The following CCBE1 variants were observed in gnomAD, a reference collection of about 807,000 sequenced individuals.
The protein encoded by CCBE1 is collagen and calcium binding EGF domains 1.
In CCBE1, 37 loss-of-function variants were observed where a neutral mutation model predicts 50.0. The ratio of observed to expected loss-of-function variants is 0.74; its 90% CI spans 0.57 to 0.97. CCBE1 has a LOEUF of 0.97. Ranked by LOEUF, CCBE1 falls within the 50% of genes least tolerant of loss-of-function variation. CCBE1 has a pLI of 0.00. For missense variants in CCBE1, 538 were observed against 523.8 expected, an observed-to-expected ratio of 1.03 and a Z score of -0.26; for synonymous variants, 234 against 203.7, an observed-to-expected ratio of 1.15 and a Z score of -1.27.
chr18:59,675,539 C>T (rs1327824744), intron 2 of CCBE1, among the ~76,000 whole-genome samples: 1 of 152,200 alleles, frequency 6.6e-6, no homozygotes, highest in Non-Finnish European at 1.5e-5. Flanking sequence ...GACTTTTCTA[C>T]AAAGCCAAGG....
chr18:59,569,634 T>TA lies in CCBE1; in HGVS notation c.213-89397_213-89396insT, dbSNP rs1477314564. Among the ~76,000 whole-genome samples the TA allele has an allele frequency of 8.6e-3, 1,099 of 128,528 alleles. 16 individuals carry two copies. Among genetic ancestry groups the TA allele is most frequent in the African/African-American group, 0.03 (1,017 of 34,246 alleles). 84.3% of individuals were successfully genotyped at this position (128,528 alleles called of 152,430 possible). A position where few individuals can be genotyped will look rare whatever the true frequency, so the allele number is the denominator to read the frequency against. ...TAGCAATTCATCTCCCCCCGCCCTTTTAAAAAAAAAAAAAGAGACAGGGTC... is the reference window on the plus strand; with the variant it reads ...TAGCAATTCATCTCCCCCCGCCCTTTATAAAAAAAAAAAAAGAGACAGGGTC... On this transcript the variant is annotated intron_variant, in intron 2 of 10. Coordinates refer to ENST00000439986, the MANE Select transcript of CCBE1 (RefSeq NM_133459.4).
At chr18:59,573,312 T>TATATATATA (rs1392749747) in intron 2 of CCBE1, among the ~76,000 whole-genome samples, 25 of 141,512 alleles carry the variant, frequency 1.8e-4, no homozygotes, top group Non-Finnish European at 2.3e-4. Context: ...TGTATGTATG[T>TATATATATA]GATAGGCCTC....
intron 9 of CCBE1, among the ~76,000 whole-genome samples, chr18:59,438,707 T>G (rs1910271449): frequency 6.6e-6 from 1 of 152,242 alleles, no homozygotes; most frequent in African/African-American, 2.4e-5. Flanking sequence ...GGTTTTGGAA[T>G]TGAAGACAAT....
At position 59,432,702 on chromosome 18, in the gene CCBE1, G is replaced by GT. The variant is rs1909985291; in HGVS notation, c.*3205dup. 6.6e-6 allele frequency: 1 copy of GT among 152,110 alleles called. No homozygotes were observed. Among genetic ancestry groups the GT allele is most frequent in the Admixed American group, 6.5e-5 (1 of 15,282 alleles). 9.4% of individuals were successfully genotyped at this position (152,110 alleles called of 1,614,324 possible). ...CATTATAAAATACAGGTTACCATAA[G>GT]TTTTGCTGGAGAATATTATCTGGAA... On this transcript the variant is annotated 3_prime_UTR_variant, in exon 11 of 11. Transcript: ENST00000439986.
chr18:59,559,476 G>A (rs1205476437), intron 2 of CCBE1, among the ~76,000 whole-genome samples: 3 of 152,202 alleles, frequency 2.0e-5, no homozygotes, highest in East Asian at 1.9e-4. Flanking sequence ...AAGTAATGTC[G>A]GCAGTCATGT....
intron 2 of CCBE1, among the ~76,000 whole-genome samples, chr18:59,598,118 A>G (rs923688417): frequency 1.3e-5 from 2 of 152,196 alleles, no homozygotes; most frequent in Non-Finnish European, 2.9e-5. Context: ...CAGTGACAGC[A>G]CTGGTTAGGG....
intron 2 of CCBE1, among the ~76,000 whole-genome samples, chr18:59,516,727 G>A (rs1914390803): frequency 6.6e-6 from 1 of 152,152 alleles, no homozygotes; most frequent in South Asian, 2.1e-4. Context: ...CCTAGTTCCT[G>A]AGACTTCAGA....
At chr18:59,636,421 G>A (rs761424826) in intron 2 of CCBE1, among the ~76,000 whole-genome samples, 1 of 152,202 alleles carries the variant, frequency 6.6e-6, no homozygotes, top group Non-Finnish European at 1.5e-5. Context: ...TTTTGAAGTT[G>A]TCCCAGATCT....
chr18:59,564,098 G>A (rs1343239639), intron 2 of CCBE1: 1 of 152,216 alleles, frequency 6.6e-6, no homozygotes, highest in African/African-American at 2.4e-5. Flanking sequence ...CTGACTCTAG[G>A]AGCCACATAA....
rs539235335 is a variant in CCBE1 at position 59,524,891 on chromosome 18, C to T, written c.213-44653G>A. ...GTTAGTTTGCTGAGGATAATGGCTTCCAGCTCCATCCATGTCCCTGCAAAC... is the reference window on the plus strand; with the variant it reads ...GTTAGTTTGCTGAGGATAATGGCTTTCAGCTCCATCCATGTCCCTGCAAAC... On this transcript the variant is annotated intron_variant, in intron 2 of 10. Transcript: ENST00000439986. Among the ~76,000 whole-genome samples, 8 of 152,286 alleles carry T rather than the reference C, an allele frequency of 5.3e-5. No homozygotes were observed. In the East Asian group the frequency reaches 1.5e-3, roughly 29 times the overall value.
At chr18:59,546,760 A>G (rs976517920) in intron 2 of CCBE1, among the ~76,000 whole-genome samples, 1 of 152,126 alleles carries the variant, frequency 6.6e-6, no homozygotes, top group Non-Finnish European at 1.5e-5. Flanking sequence ...TATATGGCAA[A>G]AGTGACATAG....
intron 2 of CCBE1, among the ~76,000 whole-genome samples, chr18:59,633,481 C>T (rs1382101032): frequency 6.6e-6 from 1 of 152,246 alleles, no homozygotes; most frequent in African/African-American, 2.4e-5. Flanking sequence ...AGTTCTTCCT[C>T]TTGCTATTGC....
chr18:59,456,248 T>C (rs115229145), intron 5 of CCBE1, among the ~76,000 whole-genome samples: 167 of 152,360 alleles, frequency 1.1e-3, no homozygotes, highest in African/African-American at 3.8e-3. Flanking sequence ...TCTCACGTAA[T>C]GGATGCTCGA....
intron 2 of CCBE1, among the ~76,000 whole-genome samples, chr18:59,674,705 ACAGGATC>A (rs2054476318): frequency 6.6e-6 from 1 of 152,222 alleles, no homozygotes. Flanking sequence ...TGTTTGTTTG[ACAGGATC>A]CAGGAAAATT....
chr18:59,616,186 G>A (rs1351482736), intron 2 of CCBE1, among the ~76,000 whole-genome samples: 1 of 152,162 alleles, frequency 6.6e-6, no homozygotes, highest in East Asian at 1.9e-4. Flanking sequence ...AACCAGTGAG[G>A]GCTGCTGTGG....
At chr18:59,542,724 G>C (rs2144387136) in intron 2 of CCBE1, among the ~76,000 whole-genome samples, 1 of 152,274 alleles carries the variant, frequency 6.6e-6, no homozygotes, top group Middle Eastern at 3.4e-3. Flanking sequence ...AGGGTGCTTT[G>C]GAATGCCTCT....
At chr18:59,620,534 C>A (rs1417487416) in intron 2 of CCBE1, among the ~76,000 whole-genome samples, 1 of 152,102 alleles carries the variant, frequency 6.6e-6, no homozygotes, top group Non-Finnish European at 1.5e-5. Flanking sequence ...GGTTGTGTCC[C>A]CACCCAAATT....
At chr18:59,586,235 G>A (rs189288898) in intron 2 of CCBE1, among the ~76,000 whole-genome samples, 2 of 152,238 alleles carry the variant, frequency 1.3e-5, no homozygotes, top group African/African-American at 4.8e-5. Context: ...GATACTCCCT[G>A]GGAAGAAGAG....
intron 2 of CCBE1, among the ~76,000 whole-genome samples, chr18:59,645,819 C>T (rs144227829): frequency 0.019 from 2,912 of 152,232 alleles, 51 homozygotes; most frequent in Middle Eastern, 0.058. Flanking sequence ...ATCACAAGAT[C>T]AGGAGATCGA....
Sources: allele counts gnomAD v4.1 joint callset (sites outside exome capture counted in the v4.1 genomes callset), GRCh38; gene constraint gnomAD v4.1.1; transcripts MANE v1.5; gene names NCBI Gene and HGNC (gene_info 2026-07-23, HGNC 2026-07-21).